Variants in TAFA1 observed in about 807,000 individuals in gnomAD.
The protein encoded by TAFA1 is TAFA chemokine like family member 1.
A neutral mutation model predicts 18.5 loss-of-function variants in TAFA1; 4 were observed. That is an observed-to-expected ratio of 0.22 (90% CI 0.11 to 0.49). TAFA1 has a LOEUF of 0.49. Ranked by LOEUF, TAFA1 falls within the 20% of genes least tolerant of loss-of-function variation. The pLI, the probability that TAFA1 is intolerant of heterozygous loss-of-function variation, is 0.98. For missense variants in TAFA1, 147 were observed against 169.0 expected, an observed-to-expected ratio of 0.87 and a Z score of 0.72; for synonymous variants, 56 against 55.2, an observed-to-expected ratio of 1.01 and a Z score of -0.06.
chr3:68,044,857 T>TA (rs1213577817), intron 2 of TAFA1, among the ~76,000 whole-genome samples: 1 of 152,250 alleles, frequency 6.6e-6, no homozygotes, highest in African/African-American at 2.4e-5. Context: ...GGATTGGACA[T>TA]AAAGTGGCAA....
chr3:68,314,799 C>A (rs748079438), intron 2 of TAFA1, among the ~76,000 whole-genome samples: 1 of 151,786 alleles, frequency 6.6e-6, no homozygotes, highest in Admixed American at 6.6e-5. Flanking sequence ...CGAAAAAGAT[C>A]ATAAATTATG....
Position 68,098,548 on chromosome 3 carries a change from C to T in TAFA1, c.118+91804C>T, listed in dbSNP as rs73110703. Among the ~76,000 whole-genome samples, 1,502 of 152,168 alleles carry T rather than the reference C, an allele frequency of 9.9e-3. 15 individuals carry two copies. Among genetic ancestry groups the T allele is most frequent in the Non-Finnish European group, 0.017 (1,164 of 68,000 alleles). On this transcript the variant is annotated intron_variant, in intron 2 of 4. Coordinates refer to ENST00000478136, the MANE Select transcript of TAFA1 (RefSeq NM_213609.4). ...TAGTGGCCTCTGGTGATATGCAATG[C>T]ATTGTGCCAGTCAAATGATGAGATA...
intron 2 of TAFA1, among the ~76,000 whole-genome samples, chr3:68,259,116 A>G (rs1038327399): frequency 1.3e-5 from 2 of 152,170 alleles, no homozygotes; most frequent in Non-Finnish European, 2.9e-5. Context: ...CTTAATTTCC[A>G]AAAGCTCCCA....
rs559550812 is a variant in TAFA1, at chr3:68,477,413, C to T, written c.259+59993C>T. Among the ~76,000 whole-genome samples the T allele has an allele frequency of 2.0e-3, 297 of 152,114 alleles. 1 individual carries two copies. Among genetic ancestry groups the T allele is most frequent in the African/African-American group, 6.9e-3 (285 of 41,498 alleles). On this transcript the variant is annotated intron_variant, in intron 3 of 4. Coordinates refer to ENST00000478136, the MANE Select transcript of TAFA1 (RefSeq NM_213609.4). ...TTTTGAGATGGAGTTTTGCTTTTGT[C>T]GCCCAGGCTGGAGTGCAGTGGTGCA...
chr3:68,347,635 G>T (rs554209176), intron 2 of TAFA1, among the ~76,000 whole-genome samples: 2 of 152,306 alleles, frequency 1.3e-5, no homozygotes, highest in South Asian at 4.1e-4. Context: ...TGCTCCAAAA[G>T]AACTTTATTT....
chr3:68,424,151 A>G lies in TAFA1; in HGVS notation c.259+6731A>G, dbSNP rs188677644. On this transcript the variant is annotated intron_variant, in intron 3 of 4. Coordinates refer to ENST00000478136, the MANE Select transcript of TAFA1 (RefSeq NM_213609.4). ...TTTCTGTGAAGAAACAAAACTTACA[A>G]CGTAACAGAACATTTTGCTCCTGGC... Among the ~76,000 whole-genome samples, 615 of 152,190 alleles carry G rather than the reference A, an allele frequency of 4.0e-3. 7 individuals are homozygous for G. Among genetic ancestry groups the G allele is most frequent in the African/African-American group, 0.014 (592 of 41,562 alleles).
At chr3:68,213,166 G>C (rs1483434874) in intron 2 of TAFA1, among the ~76,000 whole-genome samples, 1 of 151,846 alleles carries the variant, frequency 6.6e-6, no homozygotes, top group African/African-American at 2.4e-5. Flanking sequence ...CAGTAAAAAA[G>C]AAACCAACTC....
chr3:68,138,307 G>T (rs2065631209), intron 2 of TAFA1, among the ~76,000 whole-genome samples: 1 of 152,134 alleles, frequency 6.6e-6, no homozygotes, highest in South Asian at 2.1e-4. Flanking sequence ...CAGATTTTAG[G>T]TGCCTCACCA....
intron 2 of TAFA1, among the ~76,000 whole-genome samples, chr3:68,249,295 C>G (rs1237004755): frequency 6.6e-6 from 1 of 152,182 alleles, no homozygotes; most frequent in Non-Finnish European, 1.5e-5. Context: ...CACTACCGGG[C>G]AGACCCTTTC....
chr3:68,055,712 A>G (rs1333776734), intron 2 of TAFA1, among the ~76,000 whole-genome samples: 1 of 151,952 alleles, frequency 6.6e-6, no homozygotes, highest in Non-Finnish European at 1.5e-5. Flanking sequence ...GGTTAAGGAG[A>G]ATCTGAGAGT....
intron 2 of TAFA1, among the ~76,000 whole-genome samples, chr3:68,051,097 T>C (rs2064465934): frequency 9.5e-6 from 1 of 104,978 alleles, no homozygotes; most frequent in Admixed American, 1.0e-4. Context: ...TTGTTAACCA[T>C]CAGTTTTCTC....
intron 2 of TAFA1, among the ~76,000 whole-genome samples, chr3:68,135,104 G>C (rs1390551861): frequency 6.6e-6 from 1 of 152,070 alleles, no homozygotes; most frequent in Non-Finnish European, 1.5e-5. Context: ...CAAGGCAGGG[G>C]GAGAAGCAAA....
chr3:68,277,714 T>C (rs1435365546), intron 2 of TAFA1, among the ~76,000 whole-genome samples: 2 of 152,194 alleles, frequency 1.3e-5, no homozygotes, highest in Non-Finnish European at 2.9e-5. Flanking sequence ...CCTCCTTCTC[T>C]GAAATAACAA....
intron 2 of TAFA1, among the ~76,000 whole-genome samples, chr3:68,318,169 C>T (rs1245089651): frequency 6.6e-6 from 1 of 152,178 alleles, no homozygotes; most frequent in Non-Finnish European, 1.5e-5. Flanking sequence ...CAGACATTCA[C>T]ACACTGAGAC....
At chr3:68,445,394 A>G (rs986883463) in intron 3 of TAFA1, among the ~76,000 whole-genome samples, 3 of 152,158 alleles carry the variant, frequency 2.0e-5, no homozygotes, top group African/African-American at 4.8e-5. Context: ...AGGATTATCT[A>G]CTTTACAAGA....
At chr3:68,020,060 A>G (rs936140233) in intron 2 of TAFA1, among the ~76,000 whole-genome samples, 2 of 152,230 alleles carry the variant, frequency 1.3e-5, no homozygotes, top group Non-Finnish European at 1.5e-5. Flanking sequence ...TATATGTCAC[A>G]TACTGGGCTA....
intron 3 of TAFA1, among the ~76,000 whole-genome samples, chr3:68,445,115 T>C (rs144529046): frequency 6.6e-6 from 1 of 152,284 alleles, no homozygotes; most frequent in East Asian, 1.9e-4. Flanking sequence ...GACATGCTGA[T>C]ATTTACATCT....
At chr3:68,450,911 A>C (rs549819582) in intron 3 of TAFA1, among the ~76,000 whole-genome samples, 18 of 152,322 alleles carry the variant, frequency 1.2e-4, no homozygotes, top group African/African-American at 3.8e-4. Flanking sequence ...TTGAAACTAC[A>C]ATCTTATGAG....
At chr3:68,261,979 A>T (rs890518470) in intron 2 of TAFA1, among the ~76,000 whole-genome samples, 5 of 151,822 alleles carry the variant, frequency 3.3e-5, no homozygotes, top group Admixed American at 6.6e-5. Flanking sequence ...ATAAAAAAAA[A>T]AGAAAAAGTG....
Sources: allele counts gnomAD v4.1 joint callset (sites outside exome capture counted in the v4.1 genomes callset), GRCh38; gene constraint gnomAD v4.1.1; transcripts MANE v1.5; gene names NCBI Gene and HGNC (gene_info 2026-07-23, HGNC 2026-07-21).